The following TYRP1 variants were observed in gnomAD, a reference collection of about 807,000 sequenced individuals.
The protein encoded by TYRP1 is 5,6-dihydroxyindole-2-carboxylic acid oxidase.
A neutral mutation model predicts 42.8 loss-of-function variants in TYRP1; 49 were observed. The ratio of observed to expected loss-of-function variants is 1.14; its 90% CI spans 0.91 to 1.45. TYRP1 has a LOEUF of 1.45. Ranked by LOEUF, TYRP1 falls within the 40% of genes most tolerant of loss-of-function variation. The probability of loss-of-function intolerance (pLI) is 0.00; values close to 1 mark genes in which losing one functional copy is unlikely to be tolerated. For synonymous variants in TYRP1, 279 were observed against 235.4 expected (o/e 1.19, Z -1.69); for missense variants, 848 against 662.0 (o/e 1.28, Z -3.08).
At chr9:12,694,848 T>G (rs1165024995) in intron 2 of TYRP1, among the ~76,000 whole-genome samples, 1 of 152,162 alleles carries the variant, frequency 6.6e-6, no homozygotes, top group East Asian at 1.9e-4. Context: ...ATTCAGCATT[T>G]GAGATGAAGA....
intron 5 of TYRP1, among the ~76,000 whole-genome samples, chr9:12,703,214 A>G (rs781716035): frequency 7.2e-5 from 11 of 152,106 alleles, no homozygotes; most frequent in East Asian, 5.8e-4. Flanking sequence ...TTTACCTTCA[A>G]TATAGCATTG....
chr9:12,701,839 T>A (rs1818173720), intron 4 of TYRP1: 1 of 154,942 alleles, frequency 6.5e-6, no homozygotes, highest in Admixed American at 6.4e-5. Flanking sequence ...TTTCCTTATT[T>A]CTCTGAAGGT....
intron 3 of TYRP1, among the ~76,000 whole-genome samples, chr9:12,696,687 C>G (rs562573954): frequency 6.6e-6 from 1 of 151,980 alleles, no homozygotes; most frequent in Non-Finnish European, 1.5e-5. Flanking sequence ...TATCTAGTTA[C>G]GTAGATTCTT....
Position 12,709,272 on chromosome 9 carries a change from T to G in TYRP1, c.*90T>G. 1 of 1,274,916 alleles carries G rather than the reference T, an allele frequency of 7.8e-7. No homozygotes were observed. The highest frequency in any genetic ancestry group is 1.1e-6 in the Non-Finnish European group (1 of 881,916). The allele number at this position is 1,274,916 out of a possible 1,614,324, so 79.0% of individuals were successfully genotyped here. On this transcript the variant is annotated 3_prime_UTR_variant, in exon 8 of 8. Coordinates refer to ENST00000388918, the MANE Select transcript of TYRP1 (RefSeq NM_000550.3). ...TTATTAACTGTATTTTCTTTCACTT[T>G]ATTACCTTCTTTCTAATACAAGCAT... is the stretch of plus-strand genomic sequence containing the variant.
chr9:12,695,663 A>G lies in TYRP1; in HGVS notation c.534A>G (p.Gln178=), dbSNP rs771182199. The change falls in exon 3 of 8, where the codon CAA becomes CAG. Residue 178 remains glutamine, a synonymous_variant. Coordinates refer to ENST00000388918, the MANE Select transcript of TYRP1 (RefSeq NM_000550.3). ...TGGGGCCAGATGGCAACACGCCACA[A>G]TTTGAGAACATTTCCATTTATAACT... is the stretch of plus-strand genomic sequence containing the variant. ...EILGPDGNTP[Q]FENISIYNYF... 5 of 1,614,206 alleles carry G rather than the reference A, an allele frequency of 3.1e-6. No homozygotes were observed. Among genetic ancestry groups the G allele is most frequent in the South Asian group, 1.1e-5 (1 of 91,090 alleles).
chr9:12,706,638 T>TAAAC, intron 6 of TYRP1, among the ~76,000 whole-genome samples: 1 of 152,144 alleles, frequency 6.6e-6, no homozygotes, highest in African/African-American at 2.4e-5. Context: ...TAGGTCAATG[T>TAAAC]AAACACTTGC....
intron 5 of TYRP1, 50 bp from the exon 6 acceptor site, chr9:12,704,476 G>A: frequency 6.3e-7 from 1 of 1,587,132 alleles, no homozygotes; most frequent in Non-Finnish European, 8.6e-7. Context: ...ACCTGGAAAA[G>A]TGAAATATTT....
intron 5 of TYRP1, among the ~76,000 whole-genome samples, chr9:12,702,794 G>C (rs1190867784): frequency 6.6e-6 from 1 of 151,706 alleles, no homozygotes; most frequent in East Asian, 1.9e-4. Context: ...TATTAAATTA[G>C]TTTAGTTTTT....
At chr9:12,698,334 C>G in intron 3 of TYRP1, 117 bp from the exon 4 acceptor site, 1 of 995,650 alleles carries the variant, frequency 1.0e-6, no homozygotes, top group Non-Finnish European at 1.6e-6. Context: ...GATATACTAA[C>G]CAGTACCTTA....
chr9:12,701,131 A>G (rs1000443803), intron 4 of TYRP1, among the ~76,000 whole-genome samples: 8 of 151,888 alleles, frequency 5.3e-5, no homozygotes, highest in East Asian at 1.9e-4. Flanking sequence ...TTCCTAACCA[A>G]TCACCTCTCC....
Position 12,698,600 on chromosome 9 carries a change from G to C in TYRP1, c.858G>C (p.Trp286Cys). The stretch of plus-strand genomic sequence containing the variant: ...GCCCAAACTCTGTCTTTTCTCAATG[G>C]CGAGTGGTCTGTGACTCCTTGGAAG... ...LISPNSVFSQWRVVCDSLEDY... is the reference protein window; with the variant it reads ...LISPNSVFSQCRVVCDSLEDY... Residue 286 changes from tryptophan to cysteine, a missense_variant, in exon 4 of 8, where the codon TGG becomes TGC. Transcript: ENST00000388918. The C allele has an allele frequency of 6.2e-7, 1 of 1,613,736 alleles. No individual in the cohort carries two copies. The highest frequency in any genetic ancestry group is 8.5e-7 in the Non-Finnish European group (1 of 1,179,774).
At position 12,704,374 on chromosome 9, in the gene TYRP1, C is replaced by G; in HGVS notation, c.1082-152C>G. 4.0e-6 allele frequency: 3 copies of G among 741,222 alleles called. No homozygotes were observed. The Admixed American group carries it at 6.2e-5, about 15-fold the overall frequency. The allele number at this position is 741,222 out of a possible 1,614,324, so 45.9% of individuals were successfully genotyped here. A position where few individuals can be genotyped will look rare whatever the true frequency, so the allele number is the denominator to read the frequency against. On this transcript the variant is annotated intron_variant, in intron 5 of 7. Coordinates refer to ENST00000388918, the MANE Select transcript of TYRP1 (RefSeq NM_000550.3). Reference sequence around the variant, plus strand: ...GGTATAGCAAACAAATGTCATCAACCATAGGTACAGAGAAGCAGTGCTGTT... The same window carrying G: ...GGTATAGCAAACAAATGTCATCAACGATAGGTACAGAGAAGCAGTGCTGTT...
rs1305389775 is a variant in TYRP1 at position 12,709,745 on chromosome 9, A to ACAT, written c.*564_*566dup. On this transcript the variant is annotated 3_prime_UTR_variant, in exon 8 of 8. Transcript: ENST00000388918. ...ACCAATCAAATATATTATTTAGTCAACATATACTATTTAGTCTCAGGTTCA... is the reference window on the plus strand; with the variant it reads ...ACCAATCAAATATATTATTTAGTCAACATCATATACTATTTAGTCTCAGGTTCA... 1.3e-5 allele frequency: 2 copies of ACAT among 156,474 alleles called. No individual in the cohort carries two copies. The highest frequency in any genetic ancestry group is 2.4e-5 in the African/African-American group (1 of 41,424). The allele number at this position is 156,474 out of a possible 1,614,324, so 9.7% of individuals were successfully genotyped here. A position where few individuals can be genotyped will look rare whatever the true frequency, so the allele number is the denominator to read the frequency against.
At chr9:12,705,125 A>G (rs989260764) in intron 6 of TYRP1, among the ~76,000 whole-genome samples, 10 of 152,072 alleles carry the variant, frequency 6.6e-5, no homozygotes, top group African/African-American at 2.4e-4. Context: ...TCTTATTTTT[A>G]TTACTTAATG....
chr9:12,697,316 C>G (rs573477313), intron 3 of TYRP1, among the ~76,000 whole-genome samples: 1 of 152,130 alleles, frequency 6.6e-6, no homozygotes, highest in Non-Finnish European at 1.5e-5. Flanking sequence ...AAATGTAATT[C>G]GTGGTTGAAA....
At chr9:12,702,545 T>G in intron 5 of TYRP1, 107 bp downstream of exon 5, 1 of 1,133,882 alleles carries the variant, frequency 8.8e-7, no homozygotes, top group South Asian at 1.3e-5. Context: ...ATTAATCCTG[T>G]GTGTTTATGT....
In TYRP1 at chr9:12,695,842, G is replaced by A. The variant is rs200596997; in HGVS notation, c.708+5G>A. ...CGTCTGGAGAAAGACATGCAGGTAT[G>A]TAAGAAGCATTTCAGTTTGCAGACT... On this transcript the variant is annotated splice_donor_5th_base_variant and intron_variant, in intron 3 of 7. Coordinates refer to ENST00000388918, the MANE Select transcript of TYRP1 (RefSeq NM_000550.3). The A allele has an allele frequency of 1.2e-6, 2 of 1,613,702 alleles. No individual in the cohort carries two copies. Among genetic ancestry groups the A allele is most frequent in the African/African-American group, 2.7e-5 (2 of 75,050 alleles).
intron 6 of TYRP1, among the ~76,000 whole-genome samples, chr9:12,706,051 A>G (rs772809799): frequency 3.3e-5 from 5 of 152,068 alleles, no homozygotes; most frequent in Non-Finnish European, 5.9e-5. Flanking sequence ...CAATTTACAT[A>G]CTATAAAAAC....
intron 4 of TYRP1, among the ~76,000 whole-genome samples, chr9:12,700,804 C>T (rs1203955122): frequency 6.6e-6 from 1 of 152,008 alleles, no homozygotes; most frequent in African/African-American, 2.4e-5. Flanking sequence ...CCCAAAACAT[C>T]AGCTTGAATT....
Sources: gnomAD v4.1 joint callset for allele counts (sites outside exome capture counted in the v4.1 genomes callset) on GRCh38, gnomAD v4.1.1 for gene constraint, MANE v1.5 for transcripts, NCBI Gene and HGNC (gene_info 2026-07-23, HGNC 2026-07-21) for gene names.